Variants in CDK12 observed in about 807,000 individuals in gnomAD.
CDK12 encodes the protein cyclin-dependent kinase 12.
In CDK12, 17 loss-of-function variants were observed where a neutral mutation model predicts 133.8. That is an observed-to-expected ratio of 0.13 (90% CI 0.09 to 0.19). The LOEUF (loss-of-function observed/expected upper bound fraction) is 0.19, where lower values mean the gene tolerates loss of function less well. CDK12 is among the 10% of genes least tolerant of loss of function. The pLI is 1.00. For synonymous variants in CDK12, 694 were observed against 683.6 expected, an observed-to-expected ratio of 1.02 and a Z score of -0.24; for missense variants, 1,508 against 1,818.7, an observed-to-expected ratio of 0.83 and a Z score of 3.11.
intron 1 of CDK12, among the ~76,000 whole-genome samples, chr17:39,465,619 G>T (rs2049252914): frequency 6.6e-6 from 1 of 151,842 alleles, no homozygotes; most frequent in African/African-American, 2.4e-5. Context: ...CCTGAGAGTA[G>T]CTGGAATTAC....
At chr17:39,539,546 A>G (rs545102196) in intron 1 of CDK12, among the ~76,000 whole-genome samples, 1 of 152,326 alleles carries the variant, frequency 6.6e-6, no homozygotes, top group Non-Finnish European at 1.5e-5. Flanking sequence ...AGTGGGGAGC[A>G]TTAATATCAT....
chr17:39,562,264 C>G (rs1018554733), intron 3 of CDK12, among the ~76,000 whole-genome samples: 2 of 152,182 alleles, frequency 1.3e-5, no homozygotes, highest in Non-Finnish European at 2.9e-5. Flanking sequence ...ATATAGGCAC[C>G]ACACTTTATC....
intron 13 of CDK12, among the ~76,000 whole-genome samples, chr17:39,529,256 C>T (rs2054679212): frequency 6.6e-6 from 1 of 152,128 alleles, no homozygotes; most frequent in South Asian, 2.1e-4. Flanking sequence ...TACAACCTTA[C>T]AATTTTGTAG....
Position 39,531,124 on chromosome 17 carries a change from C to T in CDK12, c.4281C>T (p.Ser1427=), listed in dbSNP as rs2146846478. 6.4e-7 allele frequency: 1 copy of T among 1,568,606 alleles called. No individual in the cohort carries two copies. Among genetic ancestry groups the T allele is most frequent in the Non-Finnish European group, 8.6e-7 (1 of 1,159,190 alleles). The change falls in exon 14 of 14, where the codon AGC becomes AGT. Residue 1427 remains serine (S), a synonymous_variant. Coordinates refer to ENST00000447079, the MANE Select transcript of CDK12 (RefSeq NM_016507.4). ...GQPFLKAEGS[S]NSVVHAETKL... Reference sequence around the variant, plus strand: ...CATTCCTGAAGGCTGAGGGAAGCAGCAATTCTGTGGTACATGCAGAGACCA... The same window carrying T: ...CATTCCTGAAGGCTGAGGGAAGCAGTAATTCTGTGGTACATGCAGAGACCA...
intron 13 of CDK12, among the ~76,000 whole-genome samples, chr17:39,526,936 G>A (rs1200840034): frequency 2.6e-5 from 4 of 152,074 alleles, no homozygotes; most frequent in Non-Finnish European, 5.9e-5. Flanking sequence ...CAGGAAGTGC[G>A]TGTATTATAA....
chr17:39,559,857 T>A (rs1403849358), intron 3 of CDK12, among the ~76,000 whole-genome samples: 2 of 133,966 alleles, frequency 1.5e-5, no homozygotes, highest in African/African-American at 2.8e-5. Flanking sequence ...GAAAAAATGT[T>A]AAAAAAAAAA....
At position 39,471,303 on chromosome 17, in the gene CDK12, C is replaced by T. The variant is rs369364036; in HGVS notation, c.1471C>T (p.Leu491Phe). The T allele has an allele frequency of 2.7e-5, 43 of 1,613,604 alleles. No homozygotes were observed. Among genetic ancestry groups the T allele is most frequent in the South Asian group, 4.4e-5 (4 of 91,038 alleles). ...GTTGGATGAGAACTCCGAGAAGCAT[C>T]TTGTTAAAGATTTGAAAGCACAGGG... ...VKLDENSEKH[L>F]VKDLKAQGTR... The change falls in exon 2 of 14, where the codon CTT (leucine) becomes TTT (phenylalanine). Residue 491 changes from leucine to phenylalanine, a missense_variant. By Grantham distance (22) the Leu-to-Phe change is conservative. This residue lies in a region of CDK12 where 347 missense variants were observed against 330.8 expected (regional missense o/e 1.05). Coordinates refer to ENST00000447079, the MANE Select transcript of CDK12 (RefSeq NM_016507.4).
At chr17:39,478,953 A>G (rs543641647) in intron 2 of CDK12, among the ~76,000 whole-genome samples, 1 of 152,048 alleles carries the variant, frequency 6.6e-6, no homozygotes, top group Non-Finnish European at 1.5e-5. Flanking sequence ...CTCCATATCC[A>G]TGTACCAGCT....
chr17:39,469,293 C>G (rs2049600467), intron 1 of CDK12, among the ~76,000 whole-genome samples: 1 of 152,100 alleles, frequency 6.6e-6, no homozygotes, highest in Admixed American at 6.6e-5. Flanking sequence ...ATTAAACATG[C>G]AATAATATCT....
chr17:39,490,210 T>C (rs576617114), intron 2 of CDK12, among the ~76,000 whole-genome samples: 50 of 150,212 alleles, frequency 3.3e-4, no homozygotes, highest in Non-Finnish European at 5.2e-4. Flanking sequence ...CTACTAAAAA[T>C]ACAAAAATTA....
intron 2 of CDK12, among the ~76,000 whole-genome samples, chr17:39,479,922 G>A (rs995511098): frequency 4.0e-5 from 2 of 50,358 alleles, no homozygotes; most frequent in Non-Finnish European, 7.1e-5. Flanking sequence ...TCACTGCACT[G>A]GCTTTTTTTT....
intron 10 of CDK12, among the ~76,000 whole-genome samples, chr17:39,518,898 A>C (rs1011464638): frequency 1.8e-4 from 28 of 151,896 alleles, no homozygotes; most frequent in African/African-American, 6.8e-4. Flanking sequence ...ATAGCACAGC[A>C]TTTCTCGTTT....
chr17:39,486,703 A>G (rs2051159465), intron 2 of CDK12, among the ~76,000 whole-genome samples: 1 of 152,150 alleles, frequency 6.6e-6, no homozygotes, highest in African/African-American at 2.4e-5. Context: ...CTTAAAAATT[A>G]GAATAATTTA....
chr17:39,485,957 CTTT>C (rs994932445), intron 2 of CDK12, among the ~76,000 whole-genome samples: 2 of 142,876 alleles, frequency 1.4e-5, no homozygotes, highest in Non-Finnish European at 3.1e-5. Flanking sequence ...TTTTCTTTTT[CTTT>C]TTTTTTTTTT....
rs188667797 is a variant in CDK12, at chr17:39,462,469, G to T, written c.398G>T (p.Ser133Ile). The T allele has an allele frequency of 6.2e-6, 10 of 1,614,092 alleles. No individual in the cohort carries two copies. In the East Asian group the frequency reaches 2.0e-4, roughly 32 times the overall value. The part of the protein sequence containing the change: ...LKAKQTEKEK[S>I]QEVSSKSGSM... ...GCTAAACAGACCGAAAAAGAAAAAA[G>T]CCAAGAAGTCTCCAGCAAGTCGGGA... is the stretch of plus-strand genomic sequence containing the variant. Residue 133 changes from serine to isoleucine, a missense_variant, in exon 1 of 14, where the codon AGC (serine) becomes ATC (isoleucine). Physicochemically the swap from Ser to Ile is moderately radical, Grantham distance 142. Around this residue, in one of 9 missense-constraint regions of CDK12, gnomAD observed 460 missense variants for 490.8 expected, o/e 0.94. Coordinates refer to ENST00000447079, the MANE Select transcript of CDK12 (RefSeq NM_016507.4).
chr17:39,525,905 G>T lies in CDK12; in HGVS notation c.3349G>T (p.Ala1117Ser). The change falls in exon 13 of 14, where the codon GCA becomes TCA. Residue 1117 changes from alanine to serine, a missense_variant. Transcript: ENST00000447079. ...ITQQLNQSEL[A>S]VLLNLLQSQT... ...ACAACAGCTGAATCAAAGTGAATTG[G>T]CAGTGTTATTAAACCTGCTGCAGAG... 6 of 1,614,106 alleles carry T rather than the reference G, an allele frequency of 3.7e-6. No individual in the cohort carries two copies. Among genetic ancestry groups the T allele is most frequent in the South Asian group, 1.1e-5 (1 of 91,068 alleles).
Position 39,471,381 on chromosome 17 carries a change from G to A in CDK12, c.1549G>A (p.Glu517Lys). The A allele has an allele frequency of 6.2e-7, 1 of 1,613,998 alleles. No individual in the cohort carries two copies. The highest frequency in any genetic ancestry group is 1.6e-4 in the Middle Eastern group (1 of 6,062). The change falls in exon 2 of 14, where the codon GAG (glutamate) becomes AAG (lysine). Residue 517 changes from glutamate (E) to lysine (K), a missense_variant. Around this residue, in one of 9 missense-constraint regions of CDK12, gnomAD observed 347 missense variants for 330.8 expected, o/e 1.05. Transcript: ENST00000447079. ...GAAAGAGGAGATTGTTACTCCAAAGGAGACAGAAACATCAGAAAAGGAGAC... is the reference window on the plus strand; with the variant it reads ...GAAAGAGGAGATTGTTACTCCAAAGAAGACAGAAACATCAGAAAAGGAGAC... ...ALKEEIVTPK[E>K]TETSEKETPP...
rs1461963966 is a variant in CDK12 at position 39,461,941 on chromosome 17, C to T, written c.-131C>T. 3 of 685,084 alleles carry T rather than the reference C, an allele frequency of 4.4e-6. No homozygotes were observed. Among genetic ancestry groups the T allele is most frequent in the South Asian group, 3.8e-5 (2 of 51,960 alleles). 42.4% of individuals were successfully genotyped at this position (685,084 alleles called of 1,614,324 possible). On this transcript the variant is annotated 5_prime_UTR_variant, in exon 1 of 14. Coordinates refer to ENST00000447079, the MANE Select transcript of CDK12 (RefSeq NM_016507.4). ...GGGAGGGAGGAGGAGCCTGGGCTAC[C>T]GTCCCTGCCCTCCCCACCCCCTTCC...
chr17:39,484,761 G>A (rs1291167018), intron 2 of CDK12, among the ~76,000 whole-genome samples: 6 of 152,038 alleles, frequency 3.9e-5, no homozygotes, highest in African/African-American at 9.7e-5. Context: ...CATTTTTAGC[G>A]CTGACATGAT....
Sources: gnomAD v4.1 joint callset for allele counts (sites outside exome capture counted in the v4.1 genomes callset) on GRCh38, gnomAD v4.1.1 for gene constraint, gnomAD v4.1.1 regional missense constraint, MANE v1.5 for transcripts, NCBI Gene and HGNC (gene_info 2026-07-23, HGNC 2026-07-21) for gene names.